RCAN1: variants seen among roughly 807,000 people sequenced by gnomAD.
RCAN1 encodes the protein regulator of calcineurin 1, also known as calcipressin-1.
Under a neutral mutation model 22.9 loss-of-function variants are expected in RCAN1, and 11 were observed. That is an observed-to-expected ratio of 0.48 (90% CI 0.30 to 0.79). The LOEUF (loss-of-function observed/expected upper bound fraction) is 0.79, where lower values mean the gene tolerates loss of function less well. Among genes scored for constraint, RCAN1 ranks in the 30% least tolerant of loss-of-function variants. The pLI, the probability that RCAN1 is intolerant of heterozygous loss-of-function variation, is 0.06. For missense variants in RCAN1, 291 were observed against 337.8 expected (o/e 0.86, Z 1.09); for synonymous variants, 136 against 142.3 (o/e 0.96, Z 0.32).
At chr21:34,530,628 T>TGTTG (rs57553232) in intron 1 of RCAN1, among the ~76,000 whole-genome samples, 41,597 of 136,608 alleles carry the variant, frequency 0.3, 6,934 homozygotes, top group African/African-American at 0.4. Flanking sequence ...TTTTTTTTTT[T>TGTTG]TTTTTTTTTT....
chr21:34,563,786 TATATATATAG>T (rs1986894540), intron 1 of RCAN1, among the ~76,000 whole-genome samples: 3 of 100,814 alleles, frequency 3.0e-5, no homozygotes, highest in African/African-American at 1.2e-4. Flanking sequence ...TATATATATA[TATATATATAG>T]AGAGAGAGAG....
chr21:34,605,596 A>G (rs1457280320), intron 1 of RCAN1, among the ~76,000 whole-genome samples: 1 of 152,178 alleles, frequency 6.6e-6, no homozygotes, highest in Non-Finnish European at 1.5e-5. Flanking sequence ...AGATATATGA[A>G]AAATTCACTC....
chr21:34,517,953 G>A lies in RCAN1; in HGVS notation c.*131C>T, dbSNP rs1285171250. ...GGACACGGCCTTGATTCTCTTCTGA[G>A]CAACATGAACTGGGATTTCTGCCAC... is the stretch of plus-strand genomic sequence containing the variant. On this transcript the variant is annotated 3_prime_UTR_variant, in exon 4 of 4. Transcript: ENST00000313806. 1 of 1,092,884 alleles carries A rather than the reference G, an allele frequency of 9.2e-7. No individual in the cohort carries two copies. The highest frequency in any genetic ancestry group is 1.3e-6 in the Non-Finnish European group (1 of 741,482). 67.7% of individuals were successfully genotyped at this position (1,092,884 alleles called of 1,614,324 possible). A position where few individuals can be genotyped will look rare whatever the true frequency, so the allele number is the denominator to read the frequency against.
chr21:34,549,031 C>T (rs765421185), intron 1 of RCAN1, among the ~76,000 whole-genome samples: 2 of 152,208 alleles, frequency 1.3e-5, no homozygotes, highest in African/African-American at 2.4e-5. Context: ...ACTATGAGAC[C>T]GTTTGCCAGG....
chr21:34,614,433 G>A lies in RCAN1; in HGVS notation c.252+327C>T, dbSNP rs1384219054. The A allele has an allele frequency of 1.7e-5, 17 of 1,006,656 alleles. No homozygotes were observed. The highest frequency in any genetic ancestry group is 1.9e-5 in the Non-Finnish European group (16 of 844,180). 62.4% of individuals were successfully genotyped at this position (1,006,656 alleles called of 1,614,324 possible). On this transcript the variant is annotated intron_variant, in intron 1 of 3. Transcript: ENST00000313806. This position sits in a 1 kb window ranked among gnomAD's most constrained non-coding sequence, Gnocchi z 6.0. The stretch of plus-strand genomic sequence containing the variant: ...CAGCGAGTAAATGCGGGGCGATGGC[G>A]AGAGCGCAGGGGGCGGCGGCGCTGC...
intron 1 of RCAN1, among the ~76,000 whole-genome samples, chr21:34,549,006 A>G (rs1986254323): frequency 6.6e-6 from 1 of 152,208 alleles, no homozygotes; most frequent in African/African-American, 2.4e-5. Context: ...TTGTGGTCCA[A>G]CACCCAGGAT....
intron 1 of RCAN1, among the ~76,000 whole-genome samples, chr21:34,565,631 C>T (rs1986975645): frequency 6.6e-6 from 1 of 152,198 alleles, no homozygotes; most frequent in Non-Finnish European, 1.5e-5. Context: ...AACTGTTCAA[C>T]AGATGGGAAA....
rs1322321204 is a variant in RCAN1 at position 34,614,218 on chromosome 21, C to G, written c.252+542G>C. ...GGTCTGAAAGATGGTCCCCTTCCCC[C>G]CAACACAATTCCACCAAAACTGGCC... On this transcript the variant is annotated intron_variant, in intron 1 of 3. Coordinates refer to ENST00000313806, the MANE Select transcript of RCAN1 (RefSeq NM_004414.7). The surrounding 1 kb of genome is among the most constrained non-coding windows in gnomAD (Gnocchi z 6.0). The G allele has an allele frequency of 1.0e-6, 1 of 992,342 alleles. No individual in the cohort carries two copies. The allele number at this position is 992,342 out of a possible 1,614,324, so 61.5% of individuals were successfully genotyped here. A position where few individuals can be genotyped will look rare whatever the true frequency, so the allele number is the denominator to read the frequency against.
intron 1 of RCAN1, among the ~76,000 whole-genome samples, chr21:34,564,235 C>A (rs2123670540): frequency 6.6e-6 from 1 of 152,258 alleles, no homozygotes; most frequent in South Asian, 2.1e-4. Flanking sequence ...TGGTCCCCAC[C>A]CTTGACATGT....
chr21:34,528,320 T>A (rs2123596383), intron 1 of RCAN1, among the ~76,000 whole-genome samples: 1 of 152,374 alleles, frequency 6.6e-6, no homozygotes, highest in Middle Eastern at 3.4e-3. Context: ...TGTTGCTTAA[T>A]TTCAACGCAC....
chr21:34,554,272 C>T (rs943299009), intron 1 of RCAN1, among the ~76,000 whole-genome samples: 2 of 152,146 alleles, frequency 1.3e-5, no homozygotes, highest in Non-Finnish European at 2.9e-5. Flanking sequence ...ATCGCTTTCA[C>T]CTTGAAATCA....
chr21:34,578,768 T>C (rs1987501593), intron 1 of RCAN1, among the ~76,000 whole-genome samples: 2 of 152,090 alleles, frequency 1.3e-5, no homozygotes, highest in Non-Finnish European at 2.9e-5. Context: ...TTACCAAGTG[T>C]TACCAGAAGT....
intron 1 of RCAN1, among the ~76,000 whole-genome samples, chr21:34,577,965 C>T (rs994856292): frequency 3.9e-5 from 6 of 152,102 alleles, no homozygotes; most frequent in East Asian, 1.9e-4. Context: ...GAAAAGTCTG[C>T]GGCATGACCG....
intron 1 of RCAN1, among the ~76,000 whole-genome samples, chr21:34,593,777 C>G (rs1296773867): frequency 6.6e-6 from 1 of 152,152 alleles, no homozygotes; most frequent in Non-Finnish European, 1.5e-5. Flanking sequence ...AGGAAATAAA[C>G]AAGTGGAAAA....
intron 1 of RCAN1, among the ~76,000 whole-genome samples, chr21:34,567,767 G>T (rs1176878585): frequency 6.6e-6 from 1 of 152,182 alleles, no homozygotes; most frequent in East Asian, 1.9e-4. Context: ...GGGCGCCACT[G>T]GAATTTCCCA....
At chr21:34,562,734 T>G (rs773449224) in intron 1 of RCAN1, among the ~76,000 whole-genome samples, 26 of 152,176 alleles carry the variant, frequency 1.7e-4, no homozygotes, top group Non-Finnish European at 3.4e-4. Context: ...TGTACTTTAG[T>G]TTTCTCATCC....
intron 1 of RCAN1, among the ~76,000 whole-genome samples, chr21:34,562,853 C>A (rs1291036123): frequency 6.6e-6 from 1 of 152,190 alleles, no homozygotes; most frequent in African/African-American, 2.4e-5. Context: ...TAATAACGCA[C>A]AGTAGGATAT....
intron 1 of RCAN1, among the ~76,000 whole-genome samples, chr21:34,603,356 G>GGTTCCCCT (rs200230049): frequency 6.6e-6 from 1 of 151,398 alleles, no homozygotes; most frequent in African/African-American, 2.4e-5. Context: ...AATATTACCG[G>GGTTCCCCT]GTTCCAGCTG....
intron 1 of RCAN1, among the ~76,000 whole-genome samples, chr21:34,531,682 T>C (rs576173320): frequency 1.8e-4 from 27 of 152,312 alleles, no homozygotes; most frequent in Middle Eastern, 3.4e-3. Context: ...AAGGTCGTCT[T>C]GTGTCTTTCT....
Sources: allele counts gnomAD v4.1 joint callset (sites outside exome capture counted in the v4.1 genomes callset), GRCh38; gene constraint gnomAD v4.1.1; non-coding constraint Gnocchi (gnomAD v3.1); transcripts MANE v1.5; gene names NCBI Gene and HGNC (gene_info 2026-07-23, HGNC 2026-07-21).